FOXP2: variants seen among roughly 807,000 people sequenced by gnomAD.
FOXP2 encodes the protein forkhead box protein P2.
A neutral mutation model predicts 115.8 loss-of-function variants in FOXP2; 12 were observed. That is an observed-to-expected ratio of 0.10 (90% CI 0.07 to 0.17). The LOEUF is 0.17. Among genes scored for constraint, FOXP2 ranks in the 10% least tolerant of loss-of-function variants. The pLI, the probability that FOXP2 is intolerant of heterozygous loss-of-function variation, is 1.00. For synonymous variants in FOXP2, 328 were observed against 297.7 expected (o/e 1.10, Z -1.05); for missense variants, 629 against 843.5 (o/e 0.75, Z 3.15).
At chr7:114,484,047 T>C (rs1796669356) in intron 2 of FOXP2, among the ~76,000 whole-genome samples, 4 of 151,802 alleles carry the variant, frequency 2.6e-5, no homozygotes, top group African/African-American at 9.7e-5. Flanking sequence ...CTTCTTAATG[T>C]TATATGAAGT....
At chr7:114,548,234 T>C (rs574598313) in intron 3 of FOXP2, among the ~76,000 whole-genome samples, 2 of 152,334 alleles carry the variant, frequency 1.3e-5, no homozygotes, top group South Asian at 4.1e-4. Context: ...TCCCCTTTAA[T>C]AACCAGCTTT....
At chr7:114,112,799 A>G (rs976966577) in intron 1 of FOXP2, among the ~76,000 whole-genome samples, 3 of 152,070 alleles carry the variant, frequency 2.0e-5, no homozygotes, top group African/African-American at 7.2e-5. Flanking sequence ...AGTTAAGAGA[A>G]CTTGTGGGTA....
rs142596255 is a variant in FOXP2, at chr7:114,378,396, A to G, written c.-10-48106A>G. On this transcript the variant is annotated intron_variant, in intron 2 of 17. Coordinates refer to the FOXP2 transcript ENST00000634411. ...ACTTGCTGAAATATTAGAAGAAACA[A>G]GGAGCTACCAGGTGCTGTGACTCAT... is the stretch of plus-strand genomic sequence containing the variant. 1.4e-3 allele frequency among the ~76,000 whole-genome samples: 218 copies of G among 152,174 alleles called. 1 individual carries two copies. The highest frequency in any genetic ancestry group is 5.0e-3 in the African/African-American group (206 of 41,514).
chr7:114,271,220 C>A lies in FOXP2; in HGVS notation c.-101-16799C>A, dbSNP rs373405327. Among the ~76,000 whole-genome samples the A allele has an allele frequency of 2.1e-4, 32 of 151,834 alleles. No homozygotes were observed. The South Asian group carries it at 6.2e-3, about 30-fold the overall frequency. ...TCTACACAGCCAATCATGTCTTCTG[C>A]AAACAAAGAGAGTTTTATTTTATTT... On this transcript the variant is annotated intron_variant, in intron 1 of 17. Transcript: ENST00000634411.
At chr7:114,134,761 T>G (rs1336267769) in intron 1 of FOXP2, among the ~76,000 whole-genome samples, 1 of 151,654 alleles carries the variant, frequency 6.6e-6, no homozygotes, top group Non-Finnish European at 1.5e-5. Context: ...ATAATAGACA[T>G]CTCCTCGGGT....
chr7:114,541,422 G>A (rs1228506016), intron 3 of FOXP2, among the ~76,000 whole-genome samples: 1 of 151,920 alleles, frequency 6.6e-6, no homozygotes, highest in Non-Finnish European at 1.5e-5. Flanking sequence ...ACAAAAGGGG[G>A]AGTTTATAAA....
chr7:114,434,294 A>C (rs892069630), intron 2 of FOXP2, among the ~76,000 whole-genome samples: 1 of 152,030 alleles, frequency 6.6e-6, no homozygotes, highest in South Asian at 2.1e-4. Context: ...AAAGAGGTGA[A>C]TAATTGAGAT....
intron 2 of FOXP2, among the ~76,000 whole-genome samples, chr7:114,475,383 G>C (rs1796212413): frequency 6.6e-6 from 1 of 151,990 alleles, no homozygotes; most frequent in South Asian, 2.1e-4. Flanking sequence ...TTGCAAATTT[G>C]TGAATCATAT....
chr7:114,193,789 A>T (rs532495509), intron 1 of FOXP2, among the ~76,000 whole-genome samples: 5 of 152,144 alleles, frequency 3.3e-5, no homozygotes, highest in African/African-American at 1.2e-4. Flanking sequence ...GGTATGGTAC[A>T]TCTTTTATTT....
chr7:114,104,826 ATATCT>A (rs1410910036), intron 1 of FOXP2, among the ~76,000 whole-genome samples: 1 of 152,056 alleles, frequency 6.6e-6, no homozygotes, highest in Non-Finnish European at 1.5e-5. Flanking sequence ...TCAAATAAAG[ATATCT>A]TATATGTTTT....
chr7:114,097,998 T>G (rs1799687348), intron 1 of FOXP2, among the ~76,000 whole-genome samples: 1 of 152,200 alleles, frequency 6.6e-6, no homozygotes, highest in Admixed American at 6.5e-5. Context: ...GAGGTAGAGA[T>G]AGAAGTCTAG....
At chr7:114,676,517 G>C (rs1807775784) in intron 16 of FOXP2, among the ~76,000 whole-genome samples, 1 of 152,134 alleles carries the variant, frequency 6.6e-6, no homozygotes. Context: ...TCCTAACACT[G>C]TTTGTGAGGA....
chr7:114,236,527 C>T (rs1026738395), intron 1 of FOXP2, among the ~76,000 whole-genome samples: 4 of 152,168 alleles, frequency 2.6e-5, no homozygotes, highest in Non-Finnish European at 5.9e-5. Context: ...GATTTGGACA[C>T]ATAAACTGCC....
intron 2 of FOXP2, among the ~76,000 whole-genome samples, chr7:114,406,221 G>T (rs1793034212): frequency 6.6e-6 from 1 of 151,828 alleles, no homozygotes; most frequent in Non-Finnish European, 1.5e-5. Flanking sequence ...CTTTCCCCAT[G>T]TTCCACTAAA....
chr7:114,589,101 G>T (rs1802307218), intron 3 of FOXP2, among the ~76,000 whole-genome samples: 1 of 152,034 alleles, frequency 6.6e-6, no homozygotes, highest in African/African-American at 2.4e-5. Flanking sequence ...GACTGCTTTT[G>T]TTTTATAAAG....
intron 2 of FOXP2, chr7:114,297,473 A>AT (rs1796769367): frequency 8.0e-6 from 3 of 376,090 alleles, no homozygotes; most frequent in South Asian, 3.3e-5. Flanking sequence ...CACTATATGC[A>AT]TTTTTTGCCT....
chr7:114,125,233 G>A (rs1791676748), intron 1 of FOXP2, among the ~76,000 whole-genome samples: 1 of 152,102 alleles, frequency 6.6e-6, no homozygotes, highest in South Asian at 2.1e-4. Flanking sequence ...TTTAAAATGA[G>A]TGGATGAATG....
At chr7:114,629,476 A>T in intron 4 of FOXP2, 1 of 859,424 alleles carries the variant, frequency 1.2e-6, no homozygotes, top group Non-Finnish European at 1.8e-6. Flanking sequence ...TATTCTTACA[A>T]CTGGTAGAGT....
intron 1 of FOXP2, among the ~76,000 whole-genome samples, chr7:114,239,591 C>T (rs981748599): frequency 1.3e-5 from 2 of 152,060 alleles, no homozygotes; most frequent in South Asian, 2.1e-4. Context: ...TGCCTTCACC[C>T]GTCAGTCCTA....
Sources: gnomAD v4.1 joint callset for allele counts (sites outside exome capture counted in the v4.1 genomes callset) on GRCh38, gnomAD v4.1.1 for gene constraint, MANE v1.5 for transcripts, NCBI Gene and HGNC (gene_info 2026-07-23, HGNC 2026-07-21) for gene names.